Variants in ARHGAP15 observed in about 807,000 individuals in gnomAD.
ARHGAP15 encodes the protein rho GTPase-activating protein 15.
In ARHGAP15, 51 loss-of-function variants were observed where a neutral mutation model predicts 63.7. The ratio of observed to expected loss-of-function variants is 0.80; its 90% confidence interval spans 0.64 to 1.01. The LOEUF (loss-of-function observed/expected upper bound fraction) is 1.01. ARHGAP15 is among the 50% of genes least tolerant of loss of function. The pLI, the probability that ARHGAP15 is intolerant of heterozygous loss-of-function variation, is 0.00. For synonymous variants in ARHGAP15, 191 were observed against 193.8 expected, an observed-to-expected ratio of 0.99 and a Z score of 0.12; for missense variants, 560 against 564.6, an observed-to-expected ratio of 0.99 and a Z score of 0.08.
chr2:143,716,762 A>G (rs1052856723), intron 13 of ARHGAP15, among the ~76,000 whole-genome samples: 1 of 152,260 alleles, frequency 6.6e-6, no homozygotes, highest in Non-Finnish European at 1.5e-5. Flanking sequence ...CCAGGGAAGA[A>G]GGAATGGTAA....
intron 2 of ARHGAP15, among the ~76,000 whole-genome samples, chr2:143,201,406 G>A (rs143023172): frequency 5.1e-4 from 78 of 152,032 alleles, no homozygotes; most frequent in African/African-American, 1.7e-3. Context: ...TATATGTACG[G>A]GGTAGTGTGA....
chr2:143,246,681 G>A (rs866908973), intron 5 of ARHGAP15, among the ~76,000 whole-genome samples: 1 of 151,960 alleles, frequency 6.6e-6, no homozygotes, highest in African/African-American at 2.4e-5. Flanking sequence ...AGGTGGAGGG[G>A]GTGGTTGAAG....
At chr2:143,710,856 C>T (rs1004195136) in intron 13 of ARHGAP15, among the ~76,000 whole-genome samples, 1 of 152,204 alleles carries the variant, frequency 6.6e-6, no homozygotes, top group African/African-American at 2.4e-5. Context: ...CTTTCAAAGT[C>T]TGTAACCGTC....
intron 10 of ARHGAP15, among the ~76,000 whole-genome samples, chr2:143,537,340 C>G (rs1343777684): frequency 1.3e-5 from 2 of 152,220 alleles, no homozygotes; most frequent in Admixed American, 6.5e-5. Context: ...CCTGTTCACT[C>G]TGATGGTGGT....
At chr2:143,340,478 G>A (rs1211820990) in intron 6 of ARHGAP15, among the ~76,000 whole-genome samples, 1 of 151,134 alleles carries the variant, frequency 6.6e-6, no homozygotes, top group Non-Finnish European at 1.5e-5. Context: ...TTCATTTGCT[G>A]TCTATTATAG....
intron 8 of ARHGAP15, among the ~76,000 whole-genome samples, chr2:143,448,179 T>C (rs1419931701): frequency 6.6e-6 from 1 of 152,028 alleles, no homozygotes; most frequent in Non-Finnish European, 1.5e-5. Flanking sequence ...AAGAGCACAA[T>C]AGATTGGTGA....
chr2:143,382,409 T>C (rs6738862), intron 6 of ARHGAP15, among the ~76,000 whole-genome samples: 93,697 of 151,876 alleles, frequency 0.62, 29,544 homozygotes, highest in African/African-American at 0.74. Flanking sequence ...AGCTGGATCA[T>C]CCAAGCCTCT....
chr2:143,618,547 C>A (rs1159161081), intron 11 of ARHGAP15, among the ~76,000 whole-genome samples: 1 of 152,184 alleles, frequency 6.6e-6, no homozygotes, highest in Non-Finnish European at 1.5e-5. Flanking sequence ...GTCTTTTCCT[C>A]TTTTTAAAAT....
chr2:143,543,730 A>G (rs1258839715), intron 10 of ARHGAP15, among the ~76,000 whole-genome samples: 4 of 152,100 alleles, frequency 2.6e-5, no homozygotes, highest in Non-Finnish European at 5.9e-5. Flanking sequence ...TCTATGTGAC[A>G]AAATCCCCCA....
chr2:143,129,487 G>C (rs1000745192), intron 1 of ARHGAP15, 21 bp downstream of exon 1: 8 of 152,088 alleles, frequency 5.3e-5, no homozygotes, highest in Non-Finnish European at 8.8e-5. Flanking sequence ...ACTTTATATT[G>C]TACATGAAAT....
At chr2:143,508,420 G>A (rs1406428067) in intron 9 of ARHGAP15, among the ~76,000 whole-genome samples, 2 of 152,140 alleles carry the variant, frequency 1.3e-5, no homozygotes, top group Admixed American at 6.6e-5. Context: ...ATATGTTAAT[G>A]TGTTTTCATG....
intron 8 of ARHGAP15, among the ~76,000 whole-genome samples, chr2:143,460,915 G>A (rs1690900820): frequency 6.6e-6 from 1 of 152,094 alleles, no homozygotes; most frequent in Non-Finnish European, 1.5e-5. Context: ...TATTGACTAT[G>A]GGAATAGAGG....
At chr2:143,164,187 G>A (rs953573268) in intron 2 of ARHGAP15, among the ~76,000 whole-genome samples, 1 of 152,000 alleles carries the variant, frequency 6.6e-6, no homozygotes, top group African/African-American at 2.4e-5. Context: ...TCTCAGGTTT[G>A]TGTTAGGAAG....
At chr2:143,382,460 A>G (rs1322282942) in intron 6 of ARHGAP15, among the ~76,000 whole-genome samples, 5 of 152,130 alleles carry the variant, frequency 3.3e-5, no homozygotes, top group African/African-American at 1.2e-4. Flanking sequence ...GTGTCTTCAC[A>G]TTCTCTGTGC....
At chr2:143,496,653 T>C (rs536793373) in intron 9 of ARHGAP15, among the ~76,000 whole-genome samples, 1 of 152,250 alleles carries the variant, frequency 6.6e-6, no homozygotes, top group Non-Finnish European at 1.5e-5. Flanking sequence ...ATTCTCCTTT[T>C]AGTTCCTTTA....
chr2:143,758,464 A>G (rs1455223840), intron 13 of ARHGAP15, among the ~76,000 whole-genome samples: 1 of 151,992 alleles, frequency 6.6e-6, no homozygotes, highest in African/African-American at 2.4e-5. Flanking sequence ...ACCATGTATT[A>G]GTTTTGCTGT....
At chr2:143,494,088 C>G (rs1365290195) in intron 9 of ARHGAP15, among the ~76,000 whole-genome samples, 1 of 152,138 alleles carries the variant, frequency 6.6e-6, no homozygotes, top group East Asian at 1.9e-4. Flanking sequence ...CTGCTTGGCC[C>G]TTAATTTTAA....
chr2:143,348,169 G>T (rs774214168), intron 6 of ARHGAP15, among the ~76,000 whole-genome samples: 1 of 152,110 alleles, frequency 6.6e-6, no homozygotes, highest in Admixed American at 6.6e-5. Context: ...TCATATTTGT[G>T]TTGGTGATTT....
intron 8 of ARHGAP15, among the ~76,000 whole-genome samples, chr2:143,445,713 C>A (rs1416623529): frequency 6.6e-6 from 1 of 152,128 alleles, no homozygotes; most frequent in African/African-American, 2.4e-5. Context: ...CAGCCCAGAT[C>A]ATACTTCCCA....
Sources: allele counts gnomAD v4.1 joint callset (sites outside exome capture counted in the v4.1 genomes callset), GRCh38; gene constraint gnomAD v4.1.1; transcripts MANE v1.5; gene names NCBI Gene and HGNC (gene_info 2026-07-23, HGNC 2026-07-21).